FAM13A: variants seen among roughly 807,000 people sequenced by gnomAD.
The protein encoded by FAM13A is protein FAM13A.
A neutral mutation model predicts 129.6 loss-of-function variants in FAM13A; 76 were observed. The ratio of observed to expected loss-of-function variants is 0.59; its 90% CI spans 0.49 to 0.71. The LOEUF is 0.71. Ranked by LOEUF, FAM13A falls within the 30% of genes least tolerant of loss-of-function variation. FAM13A has a pLI of 0.00. For missense variants in FAM13A, 1,108 were observed against 1,249.3 expected, an observed-to-expected ratio of 0.89 and a Z score of 1.70; for synonymous variants, 443 against 449.9, an observed-to-expected ratio of 0.98 and a Z score of 0.20.
intron 8 of FAM13A, among the ~76,000 whole-genome samples, chr4:88,792,229 T>C (rs188959472): frequency 6.6e-6 from 1 of 152,132 alleles, no homozygotes; most frequent in East Asian, 1.9e-4. Context: ...TGTTTTCAGA[T>C]GAAGAGGTTA....
intron 20 of FAM13A, among the ~76,000 whole-genome samples, chr4:88,738,329 G>A (rs1739432464): frequency 6.6e-6 from 1 of 152,084 alleles, no homozygotes; most frequent in Admixed American, 6.5e-5. Flanking sequence ...CCTAAGAGAT[G>A]GACAGGGCAG....
At position 88,749,674 on chromosome 4, in the gene FAM13A, G is replaced by A; in HGVS notation, c.2079+97C>T. 4 of 1,268,106 alleles carry A rather than the reference G, an allele frequency of 3.2e-6. No individual in the cohort carries two copies. In the South Asian group the frequency reaches 4.2e-5, roughly 13 times the overall value. The allele number at this position is 1,268,106 out of a possible 1,614,324, so 78.6% of individuals were successfully genotyped here. On this transcript the variant is annotated intron_variant, in intron 16 of 23. Coordinates refer to ENST00000264344, the MANE Select transcript of FAM13A (RefSeq NM_014883.4). ...CTTTTTGTTGTAAGATTCCCTAGAA[G>A]CCTCCCTTAACCTTTCGTCGTTTCT...
rs1298461017 is a variant in FAM13A at position 88,841,418 on chromosome 4, C to T, written c.1007+9602G>A. Among the ~76,000 whole-genome samples the T allele has an allele frequency of 8.4e-5, 12 of 143,570 alleles. No homozygotes were observed. The East Asian group carries it at 1.3e-3, about 15-fold the overall frequency. The allele number at this position is 143,570 out of a possible 152,430, so 94.2% of individuals were successfully genotyped here. On this transcript the variant is annotated intron_variant, in intron 7 of 23. Coordinates refer to ENST00000264344, the MANE Select transcript of FAM13A (RefSeq NM_014883.4). ...CTGAGGCAGGAGAACCGTTTGAACC[C>T]GGGAGGCGGAGGTTGCAGTGAGCCG...
At chr4:88,868,963 T>C (rs1226893975) in intron 6 of FAM13A, among the ~76,000 whole-genome samples, 1 of 152,222 alleles carries the variant, frequency 6.6e-6, no homozygotes, top group Non-Finnish European at 1.5e-5. Context: ...GTATATTCAA[T>C]CATGATCTTC....
chr4:88,788,225 CAG>C (rs1334357796), intron 9 of FAM13A, among the ~76,000 whole-genome samples: 2 of 152,046 alleles, frequency 1.3e-5, no homozygotes, highest in South Asian at 2.1e-4. Context: ...ATTCAGGAAA[CAG>C]GGGTCAATCA....
At chr4:88,781,458 A>C in intron 10 of FAM13A, 107 bp from the exon 11 acceptor site, 1 of 765,494 alleles carries the variant, frequency 1.3e-6, no homozygotes, top group Admixed American at 3.3e-5. Context: ...AGTGCCCAGA[A>C]ATTCCAGTAT....
Position 89,000,941 on chromosome 4 carries a change from T to C in FAM13A, c.428-9791A>G, listed in dbSNP as rs912641944. On this transcript the variant is annotated intron_variant, in intron 3 of 23. Transcript: ENST00000264344. ...GATGGAAGATTTTAACAAATGTACATATGCACGCACACATGTGCACACAAT... is the reference window on the plus strand; with the variant it reads ...GATGGAAGATTTTAACAAATGTACACATGCACGCACACATGTGCACACAAT... Among the ~76,000 whole-genome samples, 6 of 152,378 alleles carry C rather than the reference T, an allele frequency of 3.9e-5. No individual in the cohort carries two copies. In the South Asian group the frequency reaches 1.2e-3, roughly 32 times the overall value.
Position 89,029,514 on chromosome 4 carries a change from C to T in FAM13A, c.163G>A (p.Glu55Lys), listed in dbSNP as rs766742197. 1.0e-5 allele frequency: 16 copies of T among 1,594,252 alleles called. No individual in the cohort carries two copies. Among genetic ancestry groups the T allele is most frequent in the South Asian group, 6.8e-5 (6 of 87,656 alleles). ...LQELERQGLTENGIPAVVWNI... is the reference protein window; with the variant it reads ...LQELERQGLTKNGIPAVVWNI... ...CACACTACTGCTGGAATGCCATTCT[C>T]GGTGAGCCCCTGCCGTTCAAGTTCT... The change falls in exon 2 of 24, where the codon GAG becomes AAG. Residue 55 changes from glutamate (E) to lysine (K), a missense_variant. Physicochemically the swap from Glu to Lys is moderately conservative, Grantham distance 56. Transcript: ENST00000264344.
At chr4:88,918,119 T>G (rs1750396715) in intron 5 of FAM13A, among the ~76,000 whole-genome samples, 2 of 152,146 alleles carry the variant, frequency 1.3e-5, no homozygotes, top group Admixed American at 6.5e-5. Flanking sequence ...TTACCCAGAG[T>G]TGGTTTTTGT....
chr4:88,838,057 AG>A (rs1735130823), intron 7 of FAM13A, among the ~76,000 whole-genome samples: 1 of 152,204 alleles, frequency 6.6e-6, no homozygotes, highest in Admixed American at 6.5e-5. Context: ...ACATTGTATT[AG>A]GTATTATAAG....
chr4:88,968,669 C>T (rs1328621815), intron 4 of FAM13A, among the ~76,000 whole-genome samples: 1 of 151,986 alleles, frequency 6.6e-6, no homozygotes, highest in Non-Finnish European at 1.5e-5. Context: ...CCCTTTTCTC[C>T]CACCCCACTT....
At chr4:88,927,380 TG>T (rs1465499583) in intron 5 of FAM13A, among the ~76,000 whole-genome samples, 6 of 151,824 alleles carry the variant, frequency 4.0e-5, no homozygotes, top group African/African-American at 1.5e-4. Flanking sequence ...GATATAAGAT[TG>T]TATAATCAAT....
rs72665832 is a variant in FAM13A, at chr4:88,932,726, C to T, written c.759+5362G>A. ...CATAAACAATATTAAATTTTTTGAC[C>T]GGAAAGTCAAATACACAAAAAAATG... is the stretch of plus-strand genomic sequence containing the variant. On this transcript the variant is annotated intron_variant, in intron 5 of 23. Transcript: ENST00000264344. Among the ~76,000 whole-genome samples the T allele has an allele frequency of 1.8e-3, 271 of 152,030 alleles. 1 individual carries two copies. Among genetic ancestry groups the T allele is most frequent in the Non-Finnish European group, 3.2e-3 (219 of 67,962 alleles).
chr4:89,037,702 C>T (rs1350726190), intron 1 of FAM13A, among the ~76,000 whole-genome samples: 1 of 152,052 alleles, frequency 6.6e-6, no homozygotes, highest in African/African-American at 2.4e-5. Flanking sequence ...AATTGTAATC[C>T]CCAGTGTTGG....
At position 88,750,294 on chromosome 4, in the gene FAM13A, A is replaced by C. The variant is rs1742291649; in HGVS notation, c.1940+130T>G. The stretch of plus-strand genomic sequence containing the variant: ...CAACATGGCCTGTGTCCTAGGATGG[A>C]GAATTTCAAATATGTTGCTCCATAG... On this transcript the variant is annotated intron_variant, in intron 15 of 23. Coordinates refer to ENST00000264344, the MANE Select transcript of FAM13A (RefSeq NM_014883.4). 1.6e-5 allele frequency: 12 copies of C among 743,318 alleles called. No homozygotes were observed. The South Asian group carries it at 2.0e-4, about 12-fold the overall frequency. The allele number at this position is 743,318 out of a possible 1,614,324, so 46.0% of individuals were successfully genotyped here. A position where few individuals can be genotyped will look rare whatever the true frequency, so the allele number is the denominator to read the frequency against.
At chr4:89,050,847 G>C (rs766315293) in intron 1 of FAM13A, among the ~76,000 whole-genome samples, 8 of 152,026 alleles carry the variant, frequency 5.3e-5, no homozygotes, top group Admixed American at 1.3e-4. Flanking sequence ...AGAATTGTTC[G>C]AACTCAGGAG....
At chr4:88,877,124 C>T (rs1486979326) in intron 6 of FAM13A, among the ~76,000 whole-genome samples, 1 of 152,094 alleles carries the variant, frequency 6.6e-6, no homozygotes, top group Non-Finnish European at 1.5e-5. Context: ...CTTTTTGGTG[C>T]TTTTGCTCAT....
At chr4:88,837,285 G>C (rs574391781) in intron 7 of FAM13A, among the ~76,000 whole-genome samples, 1 of 151,918 alleles carries the variant, frequency 6.6e-6, no homozygotes, top group Admixed American at 6.5e-5. Flanking sequence ...GTGAGCCACT[G>C]CGCCTGACCA....
At chr4:88,791,600 A>G (rs1246318001) in intron 8 of FAM13A, among the ~76,000 whole-genome samples, 1 of 152,132 alleles carries the variant, frequency 6.6e-6, no homozygotes, top group Non-Finnish European at 1.5e-5. Flanking sequence ...GTGTCAAACT[A>G]TAGTTCTACC....
Sources: allele counts gnomAD v4.1 joint callset (sites outside exome capture counted in the v4.1 genomes callset), GRCh38; gene constraint gnomAD v4.1.1; transcripts MANE v1.5; gene names NCBI Gene and HGNC (gene_info 2026-07-23, HGNC 2026-07-21).